Variants in PSMB9 observed in about 807,000 individuals in gnomAD.
PSMB9 encodes the protein proteasome subunit beta type-9.
Under a neutral mutation model 26.9 loss-of-function variants are expected in PSMB9, and 16 were observed. The observed-to-expected ratio is 0.59, with a 90% confidence interval of 0.40 to 0.90. The LOEUF (loss-of-function observed/expected upper bound fraction) is 0.90. Ranked by LOEUF, PSMB9 falls within the 40% of genes least tolerant of loss-of-function variation. PSMB9 has a pLI of 0.00. For synonymous variants in PSMB9, 91 were observed against 112.0 expected, an observed-to-expected ratio of 0.81 and a Z score of 1.18; for missense variants, 253 against 292.2, an observed-to-expected ratio of 0.87 and a Z score of 0.98.
Position 32,857,395 on chromosome 6 carries a change from G to T in PSMB9, c.260+1G>T. 1 of 1,611,722 alleles carries T rather than the reference G, an allele frequency of 6.2e-7. No homozygotes were observed. The highest frequency in any genetic ancestry group is 8.5e-7 in the Non-Finnish European group (1 of 1,179,800). On this transcript the variant is annotated splice_donor_variant, in intron 3 of 5. Coordinates refer to ENST00000374859, the MANE Select transcript of PSMB9 (RefSeq NM_002800.5). LOFTEE classifies it high-confidence loss of function. The stretch of plus-strand genomic sequence containing the variant: ...CCGCCTACCAGCTGGAGCTCCATGG[G>T]TATGAAGCTCTGGAGTTCTGACTCC...
intron 5 of PSMB9, among the ~76,000 whole-genome samples, chr6:32,859,059 A>T (rs1486813227): frequency 1.3e-5 from 2 of 151,266 alleles, no homozygotes; most frequent in Non-Finnish European, 3.0e-5. Flanking sequence ...CTGGAGAAAA[A>T]AAAAAAAAAA....
At chr6:32,857,074 CCTGTAATCCCAGCTATTCGGGAGG>C (rs1268338202) in intron 2 of PSMB9, 165 bp from the exon 3 acceptor site, 6 of 487,910 alleles carry the variant, frequency 1.2e-5, no homozygotes, top group Non-Finnish European at 2.1e-5. Flanking sequence ...GTGGTGGGTG[CCTGTAATCCCAGCTATTCGGGAGG>C]CTGAGGCAGG....
intron 3 of PSMB9, 192 bp from the exon 4 acceptor site, chr6:32,857,813 G>A: frequency 3.1e-6 from 2 of 653,450 alleles, no homozygotes; most frequent in Admixed American, 3.0e-5. Context: ...CTGAGCAAAA[G>A]AGTGAGCAAT....
In PSMB9 at chr6:32,854,694, A is replaced by T. The variant is rs1771070837; in HGVS notation, c.60+405A>T. 6.6e-6 allele frequency among the ~76,000 whole-genome samples: 1 copy of T among 152,184 alleles called. No homozygotes were observed. Among genetic ancestry groups the T allele is most frequent in the Non-Finnish European group, 1.5e-5 (1 of 68,034 alleles). ...AAGTAGAACAGCACTTGGGAGAAGG[A>T]AATATAGGCACTTATTGAGAAGGAC... On this transcript the variant is annotated intron_variant, in intron 1 of 5. Coordinates refer to ENST00000374859, the MANE Select transcript of PSMB9 (RefSeq NM_002800.5). This position sits in a 1 kb window ranked among gnomAD's most constrained non-coding sequence, Gnocchi z 4.6.
rs775045012 is a variant in PSMB9 at position 32,857,993 on chromosome 6, T to C, written c.261-12T>C. 1.4e-5 allele frequency: 23 copies of C among 1,612,968 alleles called. 1 individual carries two copies. The highest frequency in any genetic ancestry group is 3.3e-5 in the Admixed American group (2 of 60,014). On this transcript the variant is annotated splice_polypyrimidine_tract_variant and intron_variant, in intron 3 of 5. Coordinates refer to ENST00000374859, the MANE Select transcript of PSMB9 (RefSeq NM_002800.5). ...AAATTCTATCAACCTTTATTCCTAA[T>C]ATTTCCCTCAGGATAGAACTGGAGG... is the stretch of plus-strand genomic sequence containing the variant.
At chr6:32,855,942 C>T (rs1220441108) in intron 1 of PSMB9, among the ~76,000 whole-genome samples, 196 bp from the exon 2 acceptor site, 1 of 152,274 alleles carries the variant, frequency 6.6e-6, no homozygotes, top group East Asian at 1.9e-4. Flanking sequence ...TGTGGCATTC[C>T]CCTGCAGCCG....
In PSMB9 at chr6:32,858,885, A is replaced by C; in HGVS notation, c.532+380A>C. 3.3e-6 allele frequency: 1 copy of C among 301,122 alleles called. No homozygotes were observed. Among genetic ancestry groups the C allele is most frequent in the Non-Finnish European group, 6.2e-6 (1 of 161,326 alleles). The allele number at this position is 301,122 out of a possible 1,614,324, so 18.7% of individuals were successfully genotyped here. A position where few individuals can be genotyped will look rare whatever the true frequency, so the allele number is the denominator to read the frequency against. On this transcript the variant is annotated intron_variant, in intron 5 of 5. Coordinates refer to ENST00000374859, the MANE Select transcript of PSMB9 (RefSeq NM_002800.5). This position sits in a 1 kb window ranked among gnomAD's most constrained non-coding sequence, Gnocchi z 5.2. ...CCCTGTCTCCACAAAAAACAATAAA[A>C]AAAAGTAAAAAAAAAAATGAACTGG...
Position 32,854,910 on chromosome 6 carries a change from G to A in PSMB9, c.60+621G>A, listed in dbSNP as rs1771082278. Among the ~76,000 whole-genome samples, 1 of 152,176 alleles carries A rather than the reference G, an allele frequency of 6.6e-6. No homozygotes were observed. The highest frequency in any genetic ancestry group is 2.4e-5 in the African/African-American group (1 of 41,436). On this transcript the variant is annotated intron_variant, in intron 1 of 5. Coordinates refer to ENST00000374859, the MANE Select transcript of PSMB9 (RefSeq NM_002800.5). The surrounding 1 kb of genome is among the most constrained non-coding windows in gnomAD (Gnocchi z 4.6). ...GCCCACTCCCATGTGCCCACTGGGG[G>A]GACTTTGCTTAGGATGGGCGCCTGG...
At chr6:32,859,206 C>T (rs960463903) in intron 5 of PSMB9, among the ~76,000 whole-genome samples, 199 bp from the exon 6 acceptor site, 1 of 152,138 alleles carries the variant, frequency 6.6e-6, no homozygotes, top group African/African-American at 2.4e-5. Flanking sequence ...GCATTTACAC[C>T]ACGGACATCA....
Position 32,858,169 on chromosome 6 carries a change from T to A in PSMB9, c.390+35T>A. 6.2e-7 allele frequency: 1 copy of A among 1,611,762 alleles called. No homozygotes were observed. On this transcript the variant is annotated intron_variant, in intron 4 of 5. Transcript: ENST00000374859. This position sits in a 1 kb window ranked among gnomAD's most constrained non-coding sequence, Gnocchi z 5.2. The stretch of plus-strand genomic sequence containing the variant: ...TCCCAAAGCACTCTCTCCTCTGGGC[T>A]TCCCCACTCTCCTGCAGAGGAAGAT...
In PSMB9 at chr6:32,856,201, G is replaced by T. The variant is rs1369584980; in HGVS notation, c.124G>T (p.Ala42Ser). 9 of 1,612,224 alleles carry T rather than the reference G, an allele frequency of 5.6e-6. No homozygotes were observed. The highest frequency in any genetic ancestry group is 5.5e-5 in the South Asian group (5 of 91,072). ...GATGGGTTCTGATTCCCGAGTGTCT[G>T]CAGGGTGAGTAAAAGTGAAGATGTA... The part of the protein sequence containing the change: ...VVMGSDSRVS[A>S]GEAVVNRVFD... The change falls in exon 2 of 6, where the codon GCA becomes TCA. Residue 42 changes from alanine (A) to serine (S), a missense_variant. Ala to Ser is a moderately conservative substitution (Grantham distance 99, BLOSUM62 1). Transcript: ENST00000374859.
At chr6:32,855,673 G>T (rs924448155) in intron 1 of PSMB9, among the ~76,000 whole-genome samples, 2 of 150,964 alleles carry the variant, frequency 1.3e-5, no homozygotes, top group Non-Finnish European at 2.9e-5. Context: ...AATGGGGGGT[G>T]AGAGTGGAGG....
Position 32,857,273 on chromosome 6 carries a change from G to T in PSMB9, c.139G>T (p.Val47Leu). The change falls in exon 3 of 6, where the codon GTG (valine) becomes TTG (leucine). Residue 47 changes from valine (V) to leucine (L), a missense_variant. Val to Leu is a conservative substitution (Grantham distance 32). Coordinates refer to ENST00000374859, the MANE Select transcript of PSMB9 (RefSeq NM_002800.5). ...DSRVSAGEAV[V>L]NRVFDKLSPL... ...ACTCCCTCCTGACAGCGAGGCGGTG[G>T]TGAACCGAGTGTTTGACAAGCTGTC... The T allele has an allele frequency of 1.2e-6, 2 of 1,606,456 alleles. No homozygotes were observed. The highest frequency in any genetic ancestry group is 1.1e-5 in the South Asian group (1 of 90,520).
At chr6:32,859,054 GAAAAAAA>G (rs35686395) in intron 5 of PSMB9, among the ~76,000 whole-genome samples, 1 of 119,612 alleles carries the variant, frequency 8.4e-6, no homozygotes, top group East Asian at 2.6e-4. Context: ...CCTGTCTGGA[GAAAAAAA>G]AAAAAAAAAA....
In PSMB9 at chr6:32,858,630, T is replaced by C; in HGVS notation, c.532+125T>C. 1.5e-6 allele frequency: 2 copies of C among 1,313,166 alleles called. No homozygotes were observed. Among genetic ancestry groups the C allele is most frequent in the Non-Finnish European group, 2.1e-6 (2 of 935,744 alleles). 81.3% of individuals were successfully genotyped at this position (1,313,166 alleles called of 1,614,324 possible). A position where few individuals can be genotyped will look rare whatever the true frequency, so the allele number is the denominator to read the frequency against. On this transcript the variant is annotated intron_variant, in intron 5 of 5. Coordinates refer to ENST00000374859, the MANE Select transcript of PSMB9 (RefSeq NM_002800.5). The surrounding 1 kb of genome is among the most constrained non-coding windows in gnomAD (Gnocchi z 5.2). The stretch of plus-strand genomic sequence containing the variant: ...AGTTAATGCCGGGCCTGGTACACTT[T>C]TAAGAGTGAAAAGGGGCAGGACAAA...
Position 32,857,780 on chromosome 6 carries a change from AAAAG to A in PSMB9, c.261-220_261-217del, listed in dbSNP as rs555975952. On this transcript the variant is annotated intron_variant, in intron 3 of 5. Coordinates refer to ENST00000374859, the MANE Select transcript of PSMB9 (RefSeq NM_002800.5). ...CCATAAGAGCAGGGTCCTTGCAGCC[AAAAG>A]AAAGTTATGTGGGTGGGGCTGAGCA... is the stretch of plus-strand genomic sequence containing the variant. 2.8e-4 allele frequency: 165 copies of A among 591,028 alleles called. 1 individual carries two copies. In the East Asian group the frequency reaches 4.7e-3, roughly 17 times the overall value. The allele number at this position is 591,028 out of a possible 1,614,324, so 36.6% of individuals were successfully genotyped here. A position where few individuals can be genotyped will look rare whatever the true frequency, so the allele number is the denominator to read the frequency against.
Position 32,858,980 on chromosome 6 carries a change from A to G in PSMB9, c.533-425A>G. On this transcript the variant is annotated intron_variant, in intron 5 of 5. Coordinates refer to ENST00000374859, the MANE Select transcript of PSMB9 (RefSeq NM_002800.5). The surrounding 1 kb of genome is among the most constrained non-coding windows in gnomAD (Gnocchi z 5.2). The stretch of plus-strand genomic sequence containing the variant: ...GGTGGAAAGATCATCTGAGCCGGGG[A>G]GATCAAGGCTGTAGTGAGCGGTGAT... 1 of 242,020 alleles carries G rather than the reference A, an allele frequency of 4.1e-6. No homozygotes were observed. Among genetic ancestry groups the G allele is most frequent in the Non-Finnish European group, 8.1e-6 (1 of 123,232 alleles). The allele number at this position is 242,020 out of a possible 1,614,324, so 15.0% of individuals were successfully genotyped here.
rs1279178480 is a variant in PSMB9, at chr6:32,854,194, T to G, written c.-36T>G. The stretch of plus-strand genomic sequence containing the variant: ...TGCGCTGTCCCAGGTTGGAAACCAG[T>G]GCCCCAGGCGGCGAGGAGAGCGGTG... On this transcript the variant is annotated 5_prime_UTR_variant, in exon 1 of 6. Coordinates refer to ENST00000374859, the MANE Select transcript of PSMB9 (RefSeq NM_002800.5). The surrounding 1 kb of genome is among the most constrained non-coding windows in gnomAD (Gnocchi z 4.6). The G allele has an allele frequency of 6.5e-7, 1 of 1,543,972 alleles. No individual in the cohort carries two copies. Among genetic ancestry groups the G allele is most frequent in the Non-Finnish European group, 8.7e-7 (1 of 1,144,948 alleles).
intron 3 of PSMB9, 66 bp downstream of exon 3, chr6:32,857,460 ACAGTGTG>A: frequency 6.6e-7 from 1 of 1,520,508 alleles, no homozygotes; most frequent in Non-Finnish European, 8.8e-7. Flanking sequence ...GAATCCCTGT[ACAGTGTG>A]CTGTTCCAGG....
Sources: gnomAD v4.1 joint callset for allele counts (sites outside exome capture counted in the v4.1 genomes callset) on GRCh38, gnomAD v4.1.1 for gene constraint, Gnocchi (gnomAD v3.1) non-coding constraint, MANE v1.5 for transcripts, NCBI Gene and HGNC (gene_info 2026-07-23, HGNC 2026-07-21) for gene names.